Variants in SPTAN1 observed in about 807,000 individuals in gnomAD.
SPTAN1 encodes the protein spectrin alpha chain, non-erythrocytic 1.
Under a neutral mutation model 331.3 loss-of-function variants are expected in SPTAN1, and 61 were observed. That is an observed-to-expected ratio of 0.18 (90% CI 0.15 to 0.23). The LOEUF is 0.23. Ranked by LOEUF, SPTAN1 falls within the 10% of genes least tolerant of loss-of-function variation. The pLI is 1.00. For synonymous variants in SPTAN1, 1,153 were observed against 1,173.9 expected (o/e 0.98, Z 0.36); for missense variants, 2,043 against 3,147.9 (o/e 0.65, Z 8.40).
rs765814431 is a variant in SPTAN1, at chr9:128,591,642, G to T, written c.3155+17G>T. The T allele has an allele frequency of 1.2e-6, 2 of 1,613,374 alleles. No homozygotes were observed. The highest frequency in any genetic ancestry group is 1.3e-5 in the African/African-American group (1 of 75,018). The stretch of plus-strand genomic sequence containing the variant: ...TGACAATCAGTAAGGATGACACTGG[G>T]GGCCGCAAGGGCTAGGCGTCCCATA... On this transcript the variant is annotated intron_variant, in intron 22 of 56. Transcript: ENST00000372739.
rs1177706253 is a variant in SPTAN1, at chr9:128,620,609, T to C, written c.5734-549T>C. Among the ~76,000 whole-genome samples, 3 of 151,952 alleles carry C rather than the reference T, an allele frequency of 2.0e-5. No homozygotes were observed. The East Asian group carries it at 5.8e-4, about 29-fold the overall frequency. On this transcript the variant is annotated intron_variant, in intron 44 of 56. Coordinates refer to ENST00000372739, the MANE Select transcript of SPTAN1 (RefSeq NM_001130438.3). ...GGTGCACACCTGTAATCCCAGCTAC[T>C]TGGGAGGCTGAGGCAGGAGAATCGC...
intron 44 of SPTAN1, 106 bp from the exon 45 acceptor site, chr9:128,621,052 G>T: frequency 2.3e-6 from 2 of 854,874 alleles, no homozygotes; most frequent in Non-Finnish European, 4.1e-6. Context: ...ACTGTAATGT[G>T]TGCATGGACA....
intron 9 of SPTAN1, among the ~76,000 whole-genome samples, chr9:128,578,597 G>A (rs1056225370): frequency 2.0e-5 from 3 of 152,126 alleles, no homozygotes; most frequent in African/African-American, 4.8e-5. Flanking sequence ...TTGGAAGGCT[G>A]AGGCGGGTGG....
intron 1 of SPTAN1, chr9:128,555,448 G>A (rs1848524603): frequency 7.8e-7 from 1 of 1,276,790 alleles, no homozygotes; most frequent in African/African-American, 1.5e-5. Context: ...GTTTTGCCTG[G>A]CTTGCAGTGA....
intron 1 of SPTAN1, among the ~76,000 whole-genome samples, chr9:128,557,364 C>T (rs547343059): frequency 2.6e-5 from 4 of 152,114 alleles, no homozygotes; most frequent in Non-Finnish European, 5.9e-5. Flanking sequence ...TTTTGGGATT[C>T]CATAGAGAAA....
intron 5 of SPTAN1, among the ~76,000 whole-genome samples, chr9:128,575,686 G>A (rs1331844071): frequency 1.3e-5 from 2 of 152,106 alleles, no homozygotes; most frequent in Non-Finnish European, 2.9e-5. Context: ...GTTAGTATTG[G>A]CAGATGTCCA....
At position 128,617,904 on chromosome 9, in the gene SPTAN1, T is replaced by C. The variant is rs1340907089; in HGVS notation, c.5479-83T>C. 4 of 1,612,958 alleles carry C rather than the reference T, an allele frequency of 2.5e-6. No individual in the cohort carries two copies. The Admixed American group carries it at 6.7e-5, about 27-fold the overall frequency. On this transcript the variant is annotated intron_variant, in intron 42 of 56. Coordinates refer to ENST00000372739, the MANE Select transcript of SPTAN1 (RefSeq NM_001130438.3). ...AAACCTGGAGAAGTCCCAAACTTGATGTTGAGGCCTTTTCCTGGGAGCTTC... is the reference window on the plus strand; with the variant it reads ...AAACCTGGAGAAGTCCCAAACTTGACGTTGAGGCCTTTTCCTGGGAGCTTC...
rs185925523 is a variant in SPTAN1, at chr9:128,608,981, G to T, written c.4595+4G>T. ...GGCGCAATGAGGTCTTGGACAGGTGGGTGTCCTGTGGCACTGACATAGTCA... is the reference window on the plus strand; with the variant it reads ...GGCGCAATGAGGTCTTGGACAGGTGTGTGTCCTGTGGCACTGACATAGTCA... On this transcript the variant is annotated splice_donor_region_variant and intron_variant, in intron 35 of 56. Transcript: ENST00000372739. 513 of 1,614,084 alleles carry T rather than the reference G, an allele frequency of 3.2e-4. No homozygotes were observed. The highest frequency in any genetic ancestry group is 6.2e-4 in the Admixed American group (37 of 60,012).
chr9:128,625,767 A>G lies in SPTAN1; in HGVS notation c.6070-2A>G. The G allele has an allele frequency of 6.2e-7, 1 of 1,613,920 alleles. No homozygotes were observed. The highest frequency in any genetic ancestry group is 8.5e-7 in the Non-Finnish European group (1 of 1,180,028). ...CAAATTGGCTTGTCACTCCTTGTTC[A>G]GGAAACTTTTGACGCTGGGCTGCAG... On this transcript the variant is annotated splice_acceptor_variant, in intron 47 of 56. Transcript: ENST00000372739. LOFTEE classifies it high-confidence loss of function. The surrounding 1 kb of genome is among the most constrained non-coding windows in gnomAD (Gnocchi z 4.1).
Position 128,611,727 on chromosome 9 carries a change from A to C in SPTAN1, c.4787A>C (p.Lys1596Thr). ...TGGTATTTTTAGAGCAAGCACCAGA[A>C]GCACCAGGCTTTTGAAGCAGAGCTG... ...QLSKLLSKHQKHQAFEAELHA... is the reference protein window; with the variant it reads ...QLSKLLSKHQTHQAFEAELHA... Residue 1596 changes from lysine (K) to threonine (T), a missense_variant, in exon 38 of 57, where the codon AAG (lysine) becomes ACG (threonine). Physicochemically the swap from Lys to Thr is moderately conservative, Grantham distance 78. This residue lies in a region of SPTAN1 where 323 missense variants were observed against 581.1 expected (regional missense o/e 0.56). Transcript: ENST00000372739. 1 of 1,614,134 alleles carries C rather than the reference A, an allele frequency of 6.2e-7. No homozygotes were observed. The highest frequency in any genetic ancestry group is 8.5e-7 in the Non-Finnish European group (1 of 1,180,042).
rs1325931834 is a variant in SPTAN1 at position 128,577,389 on chromosome 9, A to G, written c.968A>G (p.Gln323Arg). The G allele has an allele frequency of 1.2e-6, 2 of 1,614,244 alleles. No homozygotes were observed. The highest frequency in any genetic ancestry group is 2.2e-5 in the East Asian group (1 of 44,890). The change falls in exon 8 of 57, where the codon CAG (glutamine) becomes CGG (arginine). Residue 323 changes from glutamine (Q) to arginine (R), a missense_variant. Physicochemically the swap from Gln to Arg is conservative, Grantham distance 43 (BLOSUM62 1). Coordinates refer to ENST00000372739, the MANE Select transcript of SPTAN1 (RefSeq NM_001130438.3). This position sits in a 1 kb window ranked among gnomAD's most constrained non-coding sequence, Gnocchi z 4.2. The stretch of plus-strand genomic sequence containing the variant: ...TGTGCTGAGGCTGACCGCCTGCAAC[A>G]GTCCCACCCTCTGAGTGCAACACAG... ...ALCAEADRLQQSHPLSATQIQ... is the reference protein window; with the variant it reads ...ALCAEADRLQRSHPLSATQIQ...
At position 128,592,996 on chromosome 9, in the gene SPTAN1, A is replaced by G; in HGVS notation, c.3169A>G (p.Lys1057Glu). 6.2e-7 allele frequency: 1 copy of G among 1,609,154 alleles called. No homozygotes were observed. The highest frequency in any genetic ancestry group is 8.5e-7 in the Non-Finnish European group (1 of 1,177,526). ...EQIDNQTRIT[K>E]EAGSVSLRMK... ...CCCTCTGTGCAGGACACGCATAACT[A>G]AGGAGGCCGGCAGTGTATCTCTGCG... The change falls in exon 23 of 57, where the codon AAG becomes GAG. Residue 1057 changes from lysine to glutamate, a missense_variant. Lys to Glu is a moderately conservative substitution (Grantham distance 56, BLOSUM62 1). This residue lies in a region of SPTAN1 where 1,038 missense variants were observed against 1,531.5 expected (regional missense o/e 0.68). Coordinates refer to ENST00000372739, the MANE Select transcript of SPTAN1 (RefSeq NM_001130438.3).
intron 1 of SPTAN1, among the ~76,000 whole-genome samples, chr9:128,563,617 G>A (rs963304565): frequency 1.1e-4 from 17 of 151,920 alleles, no homozygotes; most frequent in African/African-American, 3.9e-4. Context: ...TGAAAGATTC[G>A]TTATGGAGCT....
intron 48 of SPTAN1, 98 bp from the exon 49 acceptor site, chr9:128,626,293 C>T (rs1858724126): frequency 9.0e-6 from 13 of 1,438,862 alleles, no homozygotes; most frequent in Non-Finnish European, 1.2e-5. Context: ...GCTGTGTGCG[C>T]CTCTGATTCC....
intron 1 of SPTAN1, among the ~76,000 whole-genome samples, chr9:128,566,524 G>T (rs889067444): frequency 9.9e-5 from 15 of 152,162 alleles, no homozygotes; most frequent in Non-Finnish European, 1.9e-4. Context: ...TCTTCTGAGG[G>T]CCCTATGTAG....
intron 40 of SPTAN1, among the ~76,000 whole-genome samples, chr9:128,615,182 A>ATC (rs765186868): frequency 1.3e-5 from 2 of 152,244 alleles, no homozygotes; most frequent in Non-Finnish European, 2.9e-5. Flanking sequence ...TGGACCGAGT[A>ATC]TCTGTGAGAT....
chr9:128,627,200 G>A lies in SPTAN1; in HGVS notation c.6577-186G>A, dbSNP rs1407133875. On this transcript the variant is annotated intron_variant, in intron 49 of 56. Transcript: ENST00000372739. This position sits in a 1 kb window ranked among gnomAD's most constrained non-coding sequence, Gnocchi z 4.9. ...GGTCCGCCTCTTCCTTGAAGCCCCT[G>A]GGGGGTGGGAACAGAGAAAGAACTA... 5 of 648,248 alleles carry A rather than the reference G, an allele frequency of 7.7e-6. No individual in the cohort carries two copies. Among genetic ancestry groups the A allele is most frequent in the East Asian group, 2.9e-5 (1 of 34,290 alleles). The allele number at this position is 648,248 out of a possible 1,614,324, so 40.2% of individuals were successfully genotyped here.
At chr9:128,597,753 C>T (rs778617132) in intron 24 of SPTAN1, among the ~76,000 whole-genome samples, 6 of 152,138 alleles carry the variant, frequency 3.9e-5, no homozygotes, top group Non-Finnish European at 8.8e-5. Flanking sequence ...CCGGTTCAAG[C>T]GATTCTCCTG....
rs1859963796 is a variant in SPTAN1, at chr9:128,632,672, C to T, written c.7114C>T (p.Pro2372Ser). 2 of 1,613,862 alleles carry T rather than the reference C, an allele frequency of 1.2e-6. No individual in the cohort carries two copies. The highest frequency in any genetic ancestry group is 1.7e-5 in the Admixed American group (1 of 59,992). ...CCTGCCCATGGTGGAGGAAGGGGAA[C>T]CTGACCCTGAGTTCGAGGCAATCCT... ...YDLPMVEEGE[P>S]DPEFEAILDT... The change falls in exon 55 of 57, where the codon CCT becomes TCT. Residue 2372 changes from proline (P) to serine (S), a missense_variant. Physicochemically the swap from Pro to Ser is moderately conservative, Grantham distance 74. Transcript: ENST00000372739.
Sources: allele counts gnomAD v4.1 joint callset (sites outside exome capture counted in the v4.1 genomes callset), GRCh38; gene constraint gnomAD v4.1.1; regional missense constraint gnomAD v4.1.1; non-coding constraint Gnocchi (gnomAD v3.1); transcripts MANE v1.5; gene names NCBI Gene and HGNC (gene_info 2026-07-23, HGNC 2026-07-21).